The following DTX1 variants were observed in gnomAD, a reference collection of about 807,000 sequenced individuals.
DTX1 encodes deltex E3 ubiquitin ligase 1, also known as E3 ubiquitin-protein ligase DTX1.
Under a neutral mutation model 57.8 loss-of-function variants are expected in DTX1, and 26 were observed. The ratio of observed to expected loss-of-function variants is 0.45; its 90% CI spans 0.33 to 0.62. DTX1 has a LOEUF of 0.62. Among genes scored for constraint, DTX1 ranks in the 20% least tolerant of loss-of-function variants. DTX1 has a pLI of 0.02. For missense variants in DTX1, 704 were observed against 895.3 expected, an observed-to-expected ratio of 0.79 and a Z score of 2.73; for synonymous variants, 398 against 394.1, an observed-to-expected ratio of 1.01 and a Z score of -0.12.
In DTX1 at chr12:113,096,783, G is replaced by A. The variant is rs374508942; in HGVS notation, c.1707G>A (p.Thr569=). 19 of 1,613,824 alleles carry A rather than the reference G, an allele frequency of 1.2e-5. No individual in the cohort carries two copies. The highest frequency in any genetic ancestry group is 1.6e-4 in the Middle Eastern group (1 of 6,062). Residue 569 remains threonine (T), a synonymous_variant, in exon 10 of 10, where the codon ACG becomes ACA. Coordinates refer to ENST00000548759, the MANE Select transcript of DTX1 (RefSeq NM_004416.3). The stretch of plus-strand genomic sequence containing the variant: ...TCACTATCGGCACGTCCAACACCAC[G>A]GGCGAGTCGGACACCGTGGTGTGGA... ...LIFTIGTSNT[T]GESDTVVWNE...
Position 113,077,237 on chromosome 12 carries a change from T to C in DTX1, c.260-187T>C, listed in dbSNP as rs1191069233. The stretch of plus-strand genomic sequence containing the variant: ...ACCCTCCAGCCTGTGCTGAACCTCA[T>C]GCCTGGGCCTTGACCTCCTTCCTCT... On this transcript the variant is annotated intron_variant, in intron 2 of 9. Transcript: ENST00000548759. This position sits in a 1 kb window ranked among gnomAD's most constrained non-coding sequence, Gnocchi z 7.8. 6.6e-6 allele frequency among the ~76,000 whole-genome samples: 1 copy of C among 152,082 alleles called. No homozygotes were observed. The highest frequency in any genetic ancestry group is 1.5e-5 in the Non-Finnish European group (1 of 67,986).
intron 2 of DTX1, among the ~76,000 whole-genome samples, chr12:113,068,066 G>A (rs2044715807): frequency 6.6e-6 from 1 of 151,994 alleles, no homozygotes; most frequent in South Asian, 2.1e-4. Flanking sequence ...ATAAATACAG[G>A]TCACTATTTT....
At chr12:113,088,723 G>A (rs1171794455) in intron 3 of DTX1, among the ~76,000 whole-genome samples, 1 of 152,252 alleles carries the variant, frequency 6.6e-6, no homozygotes, top group African/African-American at 2.4e-5. Context: ...AGGCACAGTG[G>A]CTTATGCCTG....
At chr12:113,094,690 G>A in intron 6 of DTX1, 99 bp from the exon 7 acceptor site, 1 of 1,454,484 alleles carries the variant, frequency 6.9e-7, no homozygotes, top group Non-Finnish European at 9.3e-7. Context: ...ACCAGAGAGA[G>A]TGTGGTCTGC....
rs1433417872 is a variant in DTX1 at position 113,078,051 on chromosome 12, G to C, written c.887G>C (p.Arg296Pro). 5 of 1,361,778 alleles carry C rather than the reference G, an allele frequency of 3.7e-6. No individual in the cohort carries two copies. The East Asian group carries it at 9.4e-5, about 26-fold the overall frequency. The allele number at this position is 1,361,778 out of a possible 1,614,324, so 84.4% of individuals were successfully genotyped here. The change falls in exon 3 of 10, where the codon CGG becomes CCG. Residue 296 changes from arginine to proline, a missense_variant. Physicochemically the swap from Arg to Pro is moderately radical, Grantham distance 103 (BLOSUM62 -2). Transcript: ENST00000548759. ...ARTPGQNNLN[R>P]PGPQRTTSVS... ...ACCCCGGGGCAGAACAACCTCAACC[G>C]GCCCGGGCCCCAGCGCACCACCAGC...
intron 2 of DTX1, among the ~76,000 whole-genome samples, chr12:113,075,902 C>T (rs1193197672): frequency 1.3e-5 from 2 of 151,966 alleles, no homozygotes; most frequent in East Asian, 1.9e-4. Context: ...TGTGCAGGTG[C>T]TGGGGATATA....
In DTX1 at chr12:113,094,906, C is replaced by T; in HGVS notation, c.1345C>T (p.His449Tyr). The change falls in exon 7 of 10, where the codon CAC becomes TAC. Residue 449 changes from histidine to tyrosine, a missense_variant. His to Tyr is a moderately conservative substitution (Grantham distance 83). Transcript: ENST00000548759. Reference sequence around the variant, plus strand: ...CCTGGGCCGCTGTGGCCACATGTACCACCTGCTGTGCCTCGTGGCCATGTA... The same window carrying T: ...CCTGGGCCGCTGTGGCCACATGTACTACCTGCTGTGCCTCGTGGCCATGTA... ...GRLGRCGHMYHLLCLVAMYSN... is the reference protein window; with the variant it reads ...GRLGRCGHMYYLLCLVAMYSN... 6.2e-7 allele frequency: 1 copy of T among 1,613,738 alleles called. No individual in the cohort carries two copies. The highest frequency in any genetic ancestry group is 8.5e-7 in the Non-Finnish European group (1 of 1,179,970).
rs184105592 is a variant in DTX1 at position 113,060,318 on chromosome 12, G to A, written c.259+1867G>A. Among the ~76,000 whole-genome samples, 715 of 152,242 alleles carry A rather than the reference G, an allele frequency of 4.7e-3. 3 individuals are homozygous for A. Among genetic ancestry groups the A allele is most frequent in the Admixed American group, 8.2e-3 (125 of 15,290 alleles). On this transcript the variant is annotated intron_variant, in intron 2 of 9. Transcript: ENST00000548759. The stretch of plus-strand genomic sequence containing the variant: ...CATCAGTCGAGGTCTTGTGCTGGAG[G>A]ACCTACACTGAAGGTCCTGGTGTGG...
chr12:113,063,848 A>G (rs943878216), intron 2 of DTX1, among the ~76,000 whole-genome samples: 2 of 152,146 alleles, frequency 1.3e-5, no homozygotes, highest in Non-Finnish European at 2.9e-5. Flanking sequence ...TTTTCCCATC[A>G]CCGGGGAAAA....
In DTX1 at chr12:113,093,901, G is replaced by A. The variant is rs1044005716; in HGVS notation, c.1166-137G>A. The A allele has an allele frequency of 3.5e-6, 5 of 1,431,038 alleles. No homozygotes were observed. In the African/African-American group the frequency reaches 7.1e-5, roughly 20 times the overall value. 88.6% of individuals were successfully genotyped at this position (1,431,038 alleles called of 1,614,324 possible). ...CAGCAACCCCTGACCTCTGACCCTG[G>A]CCAACCCTTGCCAGCCTGACCCCGG... On this transcript the variant is annotated intron_variant, in intron 5 of 9. Transcript: ENST00000548759. This position sits in a 1 kb window ranked among gnomAD's most constrained non-coding sequence, Gnocchi z 4.2.
intron 2 of DTX1, among the ~76,000 whole-genome samples, chr12:113,072,696 CTTT>C (rs60642403): frequency 7.0e-5 from 5 of 71,104 alleles, no homozygotes; most frequent in Admixed American, 1.9e-4. Flanking sequence ...GAGAGATTTT[CTTT>C]TTTTTTTTTT....
intron 9 of DTX1, 75 bp downstream of exon 9, chr12:113,095,489 G>A: frequency 1.3e-6 from 2 of 1,582,116 alleles, no homozygotes; most frequent in Admixed American, 3.4e-5. Flanking sequence ...TGGGCCTGTG[G>A]TCCCCATCAT....
Position 113,097,287 on chromosome 12 carries a change from A to G in DTX1, c.*348A>G. 2 of 252,526 alleles carry G rather than the reference A, an allele frequency of 7.9e-6. No individual in the cohort carries two copies. The highest frequency in any genetic ancestry group is 1.4e-4 in the South Asian group (2 of 14,426). The allele number at this position is 252,526 out of a possible 1,614,324, so 15.6% of individuals were successfully genotyped here. A position where few individuals can be genotyped will look rare whatever the true frequency, so the allele number is the denominator to read the frequency against. On this transcript the variant is annotated 3_prime_UTR_variant, in exon 10 of 10. Transcript: ENST00000548759. ...CCCAGGCTGGAAGAGAAGAGACAGA[A>G]AGACCCCATGACCCCCCCATGTGGA...
At chr12:113,071,971 C>A (rs1592845555) in intron 2 of DTX1, among the ~76,000 whole-genome samples, 1 of 152,358 alleles carries the variant, frequency 6.6e-6, no homozygotes, top group East Asian at 1.9e-4. Flanking sequence ...GAGAGGGAGG[C>A]CTGGGCTAGC....
At chr12:113,060,453 GT>G (rs1442448829) in intron 2 of DTX1, among the ~76,000 whole-genome samples, 1 of 152,174 alleles carries the variant, frequency 6.6e-6, no homozygotes, top group African/African-American at 2.4e-5. Context: ...AGAAAGTGAT[GT>G]TTGAACAGAG....
intron 2 of DTX1, among the ~76,000 whole-genome samples, 178 bp downstream of exon 2, chr12:113,058,629 C>T (rs2044647235): frequency 6.6e-6 from 1 of 152,256 alleles, no homozygotes; most frequent in African/African-American, 2.4e-5. Flanking sequence ...GATTCCAATG[C>T]AGCCTCTGAG....
chr12:113,058,750 T>C (rs2136421190), intron 2 of DTX1, among the ~76,000 whole-genome samples: 2 of 152,326 alleles, frequency 1.3e-5, no homozygotes, highest in Admixed American at 1.3e-4. Flanking sequence ...TAAATAAAAT[T>C]GTGCTCACTG....
At chr12:113,094,638 ATGGGGCAGAGGG>A in intron 6 of DTX1, 139 bp from the exon 7 acceptor site, 1 of 755,468 alleles carries the variant, frequency 1.3e-6, no homozygotes, top group Non-Finnish European at 2.0e-6. Flanking sequence ...AAAACAATGT[ATGGGGCAGAGGG>A]TGTGTCCTGT....
chr12:113,085,896 G>A (rs1216673376), intron 3 of DTX1, among the ~76,000 whole-genome samples: 9 of 152,176 alleles, frequency 5.9e-5, no homozygotes, highest in Non-Finnish European at 1.2e-4. Flanking sequence ...AGGAGAGAAA[G>A]GATGTAGGGA....
Sources: gnomAD v4.1 joint callset for allele counts (sites outside exome capture counted in the v4.1 genomes callset) on GRCh38, gnomAD v4.1.1 for gene constraint, Gnocchi (gnomAD v3.1) non-coding constraint, MANE v1.5 for transcripts, NCBI Gene and HGNC (gene_info 2026-07-23, HGNC 2026-07-21) for gene names.